The following KCNIP3 variants were observed in gnomAD, a reference collection of about 807,000 sequenced individuals.
The protein encoded by KCNIP3 is potassium voltage-gated channel interacting protein 3.
In KCNIP3, 28 loss-of-function variants were observed where a neutral mutation model predicts 35.0. The observed-to-expected ratio is 0.80, with a 90% CI of 0.59 to 1.10. The LOEUF (loss-of-function observed/expected upper bound fraction) is 1.10. KCNIP3 is among the 50% of genes least tolerant of loss of function. The probability of loss-of-function intolerance (pLI) is 0.00; values close to 1 mark genes in which losing one functional copy is unlikely to be tolerated. For missense variants in KCNIP3, 295 were observed against 338.4 expected (o/e 0.87, Z 1.01); for synonymous variants, 134 against 133.8 (o/e 1.00, Z -0.01).
chr2:95,368,583 C>CA (rs2104293664), intron 2 of KCNIP3: 2 of 391,130 alleles, frequency 5.1e-6, no homozygotes, highest in East Asian at 5.0e-5. Flanking sequence ...ATTTCTCTTA[C>CA]AAAATTTGTG....
intron 2 of KCNIP3, among the ~76,000 whole-genome samples, chr2:95,321,964 T>A (rs1341823437): frequency 6.6e-6 from 1 of 152,124 alleles, no homozygotes; most frequent in Non-Finnish European, 1.5e-5. Context: ...AGGCCACGTT[T>A]CCACTACTCT....
At chr2:95,308,739 C>A (rs1478405517) in intron 1 of KCNIP3, among the ~76,000 whole-genome samples, 2 of 152,186 alleles carry the variant, frequency 1.3e-5, no homozygotes, top group African/African-American at 4.8e-5. Flanking sequence ...TGCTTCCCTG[C>A]AGGCTGTGAC....
At chr2:95,315,514 C>T (rs1044112238) in intron 2 of KCNIP3, among the ~76,000 whole-genome samples, 2 of 152,130 alleles carry the variant, frequency 1.3e-5, no homozygotes, top group Non-Finnish European at 2.9e-5. Flanking sequence ...GCCCTTACTC[C>T]CCCGATCCTG....
At chr2:95,299,607 C>A (rs1185215305) in intron 1 of KCNIP3, among the ~76,000 whole-genome samples, 1 of 152,240 alleles carries the variant, frequency 6.6e-6, no homozygotes, top group African/African-American at 2.4e-5. Flanking sequence ...CCCATGAGCT[C>A]TTAGGAGAAA....
intron 2 of KCNIP3, among the ~76,000 whole-genome samples, chr2:95,333,927 G>A (rs1402920017): frequency 1.3e-5 from 2 of 152,132 alleles, no homozygotes; most frequent in Non-Finnish European, 1.5e-5. Context: ...GCATTCAGCT[G>A]ACACAGGCCA....
intron 2 of KCNIP3, among the ~76,000 whole-genome samples, chr2:95,321,414 C>G (rs1257416216): frequency 6.6e-6 from 1 of 152,332 alleles, no homozygotes; most frequent in Admixed American, 6.5e-5. Flanking sequence ...CCGGATGGAG[C>G]CCCAGAGACA....
intron 2 of KCNIP3, among the ~76,000 whole-genome samples, chr2:95,316,194 T>A (rs1678456133): frequency 6.6e-6 from 1 of 152,228 alleles, no homozygotes; most frequent in Non-Finnish European, 1.5e-5. Flanking sequence ...TCATCGTGTG[T>A]CATTGAATGT....
At position 95,358,981 on chromosome 2, in the gene KCNIP3, A is replaced by AT. The variant is rs199889726; in HGVS notation, c.182-15304dup. On this transcript the variant is annotated intron_variant, in intron 2 of 8. Transcript: ENST00000295225. Reference sequence around the variant, plus strand: ...GACCCCCCTTTCAAAAACCAAACAAATTTTTTTTTTTAAAAAAAGGTCCCA... The same window carrying AT: ...GACCCCCCTTTCAAAAACCAAACAAATTTTTTTTTTTTAAAAAAAGGTCCCA... Among the ~76,000 whole-genome samples, 851 of 149,728 alleles carry AT rather than the reference A, an allele frequency of 5.7e-3. 6 individuals carry two copies. The highest frequency in any genetic ancestry group is 0.011 in the African/African-American group (440 of 40,928).
At chr2:95,361,336 G>A (rs1679794032) in intron 2 of KCNIP3, among the ~76,000 whole-genome samples, 1 of 152,046 alleles carries the variant, frequency 6.6e-6, no homozygotes, top group African/African-American at 2.4e-5. Flanking sequence ...TAGGAACTCT[G>A]GCTTCTTCAT....
chr2:95,333,615 G>C (rs1406484717), intron 2 of KCNIP3, among the ~76,000 whole-genome samples: 2 of 152,208 alleles, frequency 1.3e-5, no homozygotes, highest in African/African-American at 4.8e-5. Context: ...AGCCTCTGTT[G>C]GTTGCAATTG....
intron 5 of KCNIP3, among the ~76,000 whole-genome samples, chr2:95,379,861 C>T (rs1304196330): frequency 6.6e-6 from 1 of 152,224 alleles, no homozygotes; most frequent in Non-Finnish European, 1.5e-5. Context: ...ATCCTCTGCA[C>T]CCAATTTGCT....
chr2:95,352,233 A>G (rs563154207), intron 2 of KCNIP3, among the ~76,000 whole-genome samples: 4 of 152,296 alleles, frequency 2.6e-5, no homozygotes, highest in African/African-American at 4.8e-5. Context: ...CAGCCTGGGC[A>G]ACAGAGCAAG....
chr2:95,310,376 G>T lies in KCNIP3; in HGVS notation c.37G>T (p.Gly13Cys). The T allele has an allele frequency of 6.2e-7, 1 of 1,611,910 alleles. No individual in the cohort carries two copies. The highest frequency in any genetic ancestry group is 8.5e-7 in the Non-Finnish European group (1 of 1,178,408). Reference protein sequence around the residue: ...PAKEVTKASDGSLLGDLGHTP... With the variant: ...PAKEVTKASDCSLLGDLGHTP... The stretch of plus-strand genomic sequence containing the variant: ...GCAGGAAGTGACAAAGGCGTCGGAC[G>T]GCAGCCTCCTGGGGGACCTCGGGCA... The change falls in exon 2 of 9, where the codon GGC becomes TGC. Residue 13 changes from glycine to cysteine, a missense_variant. Physicochemically the swap from Gly to Cys is radical, Grantham distance 159. Transcript: ENST00000295225.
intron 2 of KCNIP3, among the ~76,000 whole-genome samples, chr2:95,348,226 A>G (rs1051788523): frequency 6.6e-6 from 1 of 152,102 alleles, no homozygotes; most frequent in Non-Finnish European, 1.5e-5. Context: ...TGGATTGGAG[A>G]TGGGGGAGAA....
At chr2:95,350,405 C>T (rs1320767172) in intron 2 of KCNIP3, among the ~76,000 whole-genome samples, 1 of 152,168 alleles carries the variant, frequency 6.6e-6, no homozygotes, top group Non-Finnish European at 1.5e-5. Flanking sequence ...ACGTTAGCAC[C>T]CTGTGCCTAG....
In KCNIP3 at chr2:95,376,295, A is replaced by AG. The variant is rs543994577; in HGVS notation, c.447+1088dup. Reference sequence around the variant, plus strand: ...AGGCACCTGACACTTCAGGCAGTAAAGCATCTTTAGGAAACGGTGTAAGGG... The same window carrying AG: ...AGGCACCTGACACTTCAGGCAGTAAAGGCATCTTTAGGAAACGGTGTAAGGG... On this transcript the variant is annotated intron_variant, in intron 5 of 8. Coordinates refer to ENST00000295225, the MANE Select transcript of KCNIP3 (RefSeq NM_013434.5). This position sits in a 1 kb window ranked among gnomAD's most constrained non-coding sequence, Gnocchi z 4.2. 1.2e-4 allele frequency among the ~76,000 whole-genome samples: 18 copies of AG among 152,270 alleles called. No individual in the cohort carries two copies. In the East Asian group the frequency reaches 2.9e-3, roughly 25 times the overall value.
intron 2 of KCNIP3, among the ~76,000 whole-genome samples, chr2:95,342,715 G>A (rs146116297): frequency 1.3e-5 from 2 of 152,094 alleles, no homozygotes; most frequent in African/African-American, 4.8e-5. Context: ...TACTATAATC[G>A]CCTGCTTTTC....
chr2:95,332,217 A>G, intron 2 of KCNIP3, among the ~76,000 whole-genome samples: 1 of 152,254 alleles, frequency 6.6e-6, no homozygotes. Context: ...AGGCGAGAAC[A>G]TGCATGTGAC....
intron 2 of KCNIP3, among the ~76,000 whole-genome samples, chr2:95,337,686 GA>G (rs1473478374): frequency 6.6e-6 from 1 of 152,194 alleles, no homozygotes; most frequent in Non-Finnish European, 1.5e-5. Context: ...GACATTGAGT[GA>G]TGTTGAGGCT....
Sources: allele counts gnomAD v4.1 joint callset (sites outside exome capture counted in the v4.1 genomes callset), GRCh38; gene constraint gnomAD v4.1.1; non-coding constraint Gnocchi (gnomAD v3.1); transcripts MANE v1.5; gene names NCBI Gene and HGNC (gene_info 2026-07-23, HGNC 2026-07-21).